Variants in MS4A8 observed in about 807,000 individuals in gnomAD.
The protein encoded by MS4A8 is membrane-spanning 4-domains subfamily A member 8.
In MS4A8, 27 loss-of-function variants were observed where a neutral mutation model predicts 23.7. That is an observed-to-expected ratio of 1.14 (90% CI 0.84 to 1.57). The LOEUF (loss-of-function observed/expected upper bound fraction) is 1.57. Ranked by LOEUF, MS4A8 falls within the 40% of genes most tolerant of loss-of-function variation. The pLI is 0.00. For missense variants in MS4A8, 301 were observed against 311.4 expected (o/e 0.97, Z 0.25); for synonymous variants, 138 against 126.3 (o/e 1.09, Z -0.62).
At chr11:60,701,979 A>T (rs534070569) in intron 2 of MS4A8, among the ~76,000 whole-genome samples, 24 of 152,218 alleles carry the variant, frequency 1.6e-4, no homozygotes, top group Non-Finnish European at 2.9e-4. Flanking sequence ...TTAATGGAAG[A>T]AAGTAAGGGG....
At chr11:60,703,355 T>C in intron 2 of MS4A8, 23 bp from the exon 3 acceptor site, 1 of 1,518,756 alleles carries the variant, frequency 6.6e-7, no homozygotes. Flanking sequence ...AAACAAGACT[T>C]CAGCTTGTGG....
chr11:60,714,239 C>A (rs1171167881), intron 5 of MS4A8, among the ~76,000 whole-genome samples: 1 of 151,450 alleles, frequency 6.6e-6, no homozygotes, highest in Non-Finnish European at 1.5e-5. Flanking sequence ...TGACTCTTAA[C>A]AAGCGTGCTG....
At position 60,703,375 on chromosome 11, in the gene MS4A8, C is replaced by G. The variant is rs761233057; in HGVS notation, c.220-3C>G. 1 of 1,555,988 alleles carries G rather than the reference C, an allele frequency of 6.4e-7. No homozygotes were observed. Among genetic ancestry groups the G allele is most frequent in the Admixed American group, 2.0e-5 (1 of 49,840 alleles). On this transcript the variant is annotated splice_region_variant and splice_polypyrimidine_tract_variant and intron_variant, in intron 2 of 6. Coordinates refer to ENST00000300226, the MANE Select transcript of MS4A8 (RefSeq NM_031457.2). ...AGACTTCAGCTTGTGGCTCTCCTGA[C>G]AGGCCATCCAGATCATCATTGGCCT... is the stretch of plus-strand genomic sequence containing the variant.
intron 5 of MS4A8, among the ~76,000 whole-genome samples, chr11:60,713,561 G>A (rs1010926566): frequency 1.7e-4 from 26 of 152,040 alleles, no homozygotes; most frequent in African/African-American, 7.2e-5. Flanking sequence ...CCCTAAGGCA[G>A]TTTTCCCCTA....
chr11:60,708,574 A>C lies in MS4A8; in HGVS notation c.403-76A>C, dbSNP rs527377600. The C allele has an allele frequency of 7.0e-6, 10 of 1,422,904 alleles. No individual in the cohort carries two copies. In the East Asian group the frequency reaches 2.5e-4, roughly 35 times the overall value. 88.1% of individuals were successfully genotyped at this position (1,422,904 alleles called of 1,614,324 possible). On this transcript the variant is annotated intron_variant, in intron 4 of 6. Coordinates refer to ENST00000300226, the MANE Select transcript of MS4A8 (RefSeq NM_031457.2). ...ATTTTAGAAATTGGGGGGAAAAAGA[A>C]ACACTTGTTGGGTCTCCATTCATCT...
In MS4A8 at chr11:60,715,435, T is replaced by A. The variant is rs1168658129; in HGVS notation, c.*21T>A. The stretch of plus-strand genomic sequence containing the variant: ...AGTAAGGCTACAGATTCTGGAAGCA[T>A]CTTTCACTGGGACCAAAAGAAGTCC... On this transcript the variant is annotated 3_prime_UTR_variant, in exon 7 of 7. Coordinates refer to ENST00000300226, the MANE Select transcript of MS4A8 (RefSeq NM_031457.2). 6.3e-7 allele frequency: 1 copy of A among 1,592,500 alleles called. No individual in the cohort carries two copies. Among genetic ancestry groups the A allele is most frequent in the Non-Finnish European group, 8.6e-7 (1 of 1,161,544 alleles).
Position 60,715,324 on chromosome 11 carries a change from T to C in MS4A8, c.663T>C (p.Tyr221=). The change falls in exon 7 of 7, where the codon TAT becomes TAC. Residue 221 remains tyrosine (Y), a synonymous_variant. Coordinates refer to ENST00000300226, the MANE Select transcript of MS4A8 (RefSeq NM_031457.2). The part of the protein sequence containing the change: ...CCQSSNVSVI[Y]PNIYAANPVI... ...GTGTTTTCCAGGTGAGTGTCATCTA[T>C]CCAAACATCTATGCAGCAAACCCAG... The C allele has an allele frequency of 6.2e-7, 1 of 1,613,986 alleles. No homozygotes were observed. The highest frequency in any genetic ancestry group is 8.5e-7 in the Non-Finnish European group (1 of 1,179,996).
Position 60,709,851 on chromosome 11 carries a change from G to A in MS4A8, c.534+1070G>A, listed in dbSNP as rs116311917. Among the ~76,000 whole-genome samples, 700 of 152,148 alleles carry A rather than the reference G, an allele frequency of 4.6e-3. 3 individuals are homozygous for A. The highest frequency in any genetic ancestry group is 0.012 in the African/African-American group (499 of 41,484). On this transcript the variant is annotated intron_variant, in intron 5 of 6. Coordinates refer to ENST00000300226, the MANE Select transcript of MS4A8 (RefSeq NM_031457.2). ...AAACAAACCAACCCACCTCCTCTTCGTTGTACTTCCTTTATCCACTACCAC... is the reference window on the plus strand; with the variant it reads ...AAACAAACCAACCCACCTCCTCTTCATTGTACTTCCTTTATCCACTACCAC...
At position 60,700,965 on chromosome 11, in the gene MS4A8, G is replaced by A; in HGVS notation, c.105G>A (p.Leu35=). 1 of 1,614,198 alleles carries A rather than the reference G, an allele frequency of 6.2e-7. No homozygotes were observed. Among genetic ancestry groups the A allele is most frequent in the Non-Finnish European group, 8.5e-7 (1 of 1,180,036 alleles). The change falls in exon 2 of 7, where the codon CTG becomes CTA. Residue 35 remains leucine, a synonymous_variant. Transcript: ENST00000300226. ...VTPGIMSHVP[L]YPNSQPQVHL... is the part of the protein sequence containing the mutation. Reference sequence around the variant, plus strand: ...CAGGAATTATGTCTCACGTGCCCCTGTATCCAAACAGCCAGCCGCAAGTCC... The same window carrying A: ...CAGGAATTATGTCTCACGTGCCCCTATATCCAAACAGCCAGCCGCAAGTCC...
chr11:60,706,142 G>T (rs999010824), intron 3 of MS4A8, among the ~76,000 whole-genome samples: 1 of 152,126 alleles, frequency 6.6e-6, no homozygotes, highest in Non-Finnish European at 1.5e-5. Flanking sequence ...TACTTTAAAT[G>T]GGTGAATTAT....
At position 60,701,095 on chromosome 11, in the gene MS4A8, CT is replaced by C; in HGVS notation, c.219+19del. 6.2e-7 allele frequency: 1 copy of C among 1,609,022 alleles called. No homozygotes were observed. Among genetic ancestry groups the C allele is most frequent in the Non-Finnish European group, 8.5e-7 (1 of 1,175,870 alleles). On this transcript the variant is annotated intron_variant, in intron 2 of 6. Coordinates refer to ENST00000300226, the MANE Select transcript of MS4A8 (RefSeq NM_031457.2). ...AACCTTGGGGGTAAGTGAGATTTCC[CT>C]TTGCAGGCCACAGACTGCACAGCTG...
At position 60,703,485 on chromosome 11, in the gene MS4A8, C is replaced by A. The variant is rs1171652496; in HGVS notation, c.327C>A (p.Phe109Leu). The change falls in exon 3 of 7, where the codon TTC becomes TTA. Residue 109 changes from phenylalanine to leucine, a missense_variant. By Grantham distance (22) the Phe-to-Leu change is conservative (BLOSUM62 0). Coordinates refer to ENST00000300226, the MANE Select transcript of MS4A8 (RefSeq NM_031457.2). The part of the protein sequence containing the change: ...LSISFYGGFP[F>L]WGGLWFIISG... ...TTTCATTCTACGGAGGCTTTCCCTT[C>A]TGGGGAGGCTTGTGGGTGAGTAACT... 2 of 1,607,526 alleles carry A rather than the reference C, an allele frequency of 1.2e-6. No individual in the cohort carries two copies. Among genetic ancestry groups the A allele is most frequent in the Non-Finnish European group, 1.7e-6 (2 of 1,177,506 alleles).
rs200663288 is a variant in MS4A8, at chr11:60,715,086, C to G, written c.600C>G (p.Cys200Trp). The change falls in exon 6 of 7, where the codon TGC becomes TGG. Residue 200 changes from cysteine (C) to tryptophan (W), a missense_variant. By Grantham distance (215) the Cys-to-Trp change is radical (BLOSUM62 -2). Transcript: ENST00000300226. ...GCCTCCTGGAGTTTGGCATCGCATG[C>G]GCATCTTCCCACTTTGGCTGCCAGT... ...VFCLLEFGIACASSHFGCQLV... is the reference protein window; with the variant it reads ...VFCLLEFGIAWASSHFGCQLV... 6.2e-7 allele frequency: 1 copy of G among 1,614,066 alleles called. No homozygotes were observed. Among genetic ancestry groups the G allele is most frequent in the East Asian group, 2.2e-5 (1 of 44,864 alleles).
At chr11:60,703,615 T>C in intron 3 of MS4A8, 115 bp downstream of exon 3, 2 of 1,281,154 alleles carry the variant, frequency 1.6e-6, no homozygotes, top group Middle Eastern at 2.4e-4. Context: ...CACCCAAATG[T>C]GGGGGATAGG....
intron 3 of MS4A8, among the ~76,000 whole-genome samples, chr11:60,705,556 TCAGAAGGACTGAGAGGGATAC>T (rs1363936877): frequency 3.9e-5 from 6 of 152,194 alleles, no homozygotes; most frequent in Non-Finnish European, 8.8e-5. Context: ...CTCTGGCACC[TCAGAAGGACTGAGAGGGATAC>T]CAAAAGTCCA....
intron 5 of MS4A8, among the ~76,000 whole-genome samples, chr11:60,710,103 T>G (rs1309950180): frequency 6.6e-6 from 1 of 152,162 alleles, no homozygotes; most frequent in Non-Finnish European, 1.5e-5. Flanking sequence ...GTTGCCCTCT[T>G]CTCTGTCTCC....
intron 3 of MS4A8, among the ~76,000 whole-genome samples, chr11:60,705,238 G>A (rs964563240): frequency 6.6e-6 from 1 of 152,166 alleles, no homozygotes; most frequent in Non-Finnish European, 1.5e-5. Flanking sequence ...TCTGACCTTC[G>A]TGGAATGTGG....
At chr11:60,713,062 G>T (rs1310198936) in intron 5 of MS4A8, among the ~76,000 whole-genome samples, 1 of 152,084 alleles carries the variant, frequency 6.6e-6, no homozygotes, top group Non-Finnish European at 1.5e-5. Flanking sequence ...TCATTTTGGG[G>T]ATCCTTTCAC....
At chr11:60,708,029 G>A (rs981377876) in intron 4 of MS4A8, among the ~76,000 whole-genome samples, 2 of 151,590 alleles carry the variant, frequency 1.3e-5, no homozygotes, top group African/African-American at 4.9e-5. Flanking sequence ...TGGTATTTTG[G>A]TAGAGACGGA....
Sources: allele counts gnomAD v4.1 joint callset (sites outside exome capture counted in the v4.1 genomes callset), GRCh38; gene constraint gnomAD v4.1.1; transcripts MANE v1.5; gene names NCBI Gene and HGNC (gene_info 2026-07-23, HGNC 2026-07-21).